SLC24A2: variants seen among roughly 807,000 people sequenced by gnomAD.
SLC24A2 encodes solute carrier family 24 member 2.
A neutral mutation model predicts 62.0 loss-of-function variants in SLC24A2; 36 were observed. That is an observed-to-expected ratio of 0.58 (90% CI 0.44 to 0.77). The LOEUF is 0.77. SLC24A2 is among the 30% of genes least tolerant of loss of function. The probability of loss-of-function intolerance (pLI) is 0.00; values close to 1 mark genes in which losing one functional copy is unlikely to be tolerated. For missense variants in SLC24A2, 846 were observed against 817.9 expected (o/e 1.03, Z -0.42); for synonymous variants, 358 against 294.0 (o/e 1.22, Z -2.23).
the SLC24A2 span, among the ~76,000 whole-genome samples, chr9:20,200,453 T>C: frequency 2.0e-5 from 3 of 152,232 alleles, no homozygotes; most frequent in Admixed American, 2.0e-4. Context: ...CTCACAAATT[T>C]ATCCCGCTAA....
the SLC24A2 span, among the ~76,000 whole-genome samples, chr9:19,992,228 T>C: frequency 1.2e-4 from 18 of 152,326 alleles, no homozygotes; most frequent in South Asian, 2.1e-3. Flanking sequence ...GGATGTCCAA[T>C]AGGCTTGGTC....
At chr9:19,607,398 CTT>C (rs1469688831) in intron 4 of SLC24A2, among the ~76,000 whole-genome samples, 2 of 152,096 alleles carry the variant, frequency 1.3e-5, no homozygotes, top group Non-Finnish European at 2.9e-5. Flanking sequence ...TTCATGATAT[CTT>C]TGAGCTCAAA....
chr9:20,171,161 C>G, the SLC24A2 span, among the ~76,000 whole-genome samples: 1 of 151,930 alleles, frequency 6.6e-6, no homozygotes, highest in South Asian at 2.1e-4. Context: ...TTCAGACAAA[C>G]AAATGCTGAG....
intron 9 of SLC24A2, among the ~76,000 whole-genome samples, chr9:19,522,729 A>G (rs1485589458): frequency 6.6e-6 from 1 of 152,170 alleles, no homozygotes; most frequent in Non-Finnish European, 1.5e-5. Context: ...AGCCTGATAC[A>G]TGGCAGGCTC....
chr9:20,147,607 C>T, the SLC24A2 span, among the ~76,000 whole-genome samples: 1 of 152,142 alleles, frequency 6.6e-6, no homozygotes, highest in Non-Finnish European at 1.5e-5. Context: ...TAGGCTTCAA[C>T]CCTTAACCTG....
intron 5 of SLC24A2, among the ~76,000 whole-genome samples, chr9:19,582,068 T>C (rs1302458495): frequency 6.6e-6 from 1 of 152,150 alleles, no homozygotes; most frequent in African/African-American, 2.4e-5. Context: ...GGTCTGAAAT[T>C]TGCAAAAGAG....
Position 19,509,857 on chromosome 9 carries a change from G to T in SLC24A2, c.*6296C>A, listed in dbSNP as rs1416647743. On this transcript the variant is annotated 3_prime_UTR_variant, in exon 11 of 11. Transcript: ENST00000341998. ...ATGCAACCCAATATGTAAGAATGCAGAAACAAATTCCCATCCTTTTGGTGA... is the reference window on the plus strand; with the variant it reads ...ATGCAACCCAATATGTAAGAATGCATAAACAAATTCCCATCCTTTTGGTGA... 2.6e-5 allele frequency: 4 copies of T among 152,114 alleles called. No individual in the cohort carries two copies. The highest frequency in any genetic ancestry group is 9.7e-5 in the African/African-American group (4 of 41,432). 9.4% of individuals were successfully genotyped at this position (152,114 alleles called of 1,614,324 possible).
chr9:20,180,995 T>G, the SLC24A2 span, among the ~76,000 whole-genome samples: 1 of 152,144 alleles, frequency 6.6e-6, no homozygotes, highest in Non-Finnish European at 1.5e-5. Flanking sequence ...CTCTCTTTGG[T>G]CATGAGCCCC....
the SLC24A2 span, among the ~76,000 whole-genome samples, chr9:19,872,123 G>C: frequency 3.3e-5 from 5 of 152,126 alleles, no homozygotes; most frequent in Non-Finnish European, 7.4e-5. Context: ...GGCTAGGATG[G>C]TATGGTCAAA....
chr9:19,672,793 C>G lies in SLC24A2; in HGVS notation c.931-50494G>C, dbSNP rs145122874. ...ATCCATCTTGATTTCATTGTTGACC[C>G]AATGATCATTCAGGAGCAAGTTATT... is the stretch of plus-strand genomic sequence containing the variant. On this transcript the variant is annotated intron_variant, in intron 2 of 10. Transcript: ENST00000341998. 8.1e-4 allele frequency among the ~76,000 whole-genome samples: 118 copies of G among 146,560 alleles called. 2 individuals are homozygous for G. The East Asian group carries it at 0.02, about 25-fold the overall frequency.
intron 2 of SLC24A2, among the ~76,000 whole-genome samples, chr9:19,723,770 G>A (rs973238093): frequency 6.6e-6 from 1 of 151,562 alleles, no homozygotes; most frequent in Non-Finnish European, 1.5e-5. Context: ...AGCAAAGAGA[G>A]AAAAAAAATT....
chr9:20,280,583 G>A, the SLC24A2 span, among the ~76,000 whole-genome samples: 2 of 152,160 alleles, frequency 1.3e-5, no homozygotes, highest in African/African-American at 4.8e-5. Context: ...GCCACATCAG[G>A]TTTTGGGTTT....
chr9:19,867,736 C>T, the SLC24A2 span, among the ~76,000 whole-genome samples: 3 of 152,056 alleles, frequency 2.0e-5, no homozygotes, highest in Non-Finnish European at 2.9e-5. Context: ...GGTGAAACCC[C>T]GTCTCTACTA....
chr9:19,742,091 GAA>G (rs1226863509), intron 2 of SLC24A2, among the ~76,000 whole-genome samples: 1 of 152,122 alleles, frequency 6.6e-6, no homozygotes, highest in South Asian at 2.1e-4. Flanking sequence ...AGCAATATTT[GAA>G]ATTCAGAGGC....
the SLC24A2 span, among the ~76,000 whole-genome samples, chr9:20,292,517 C>T: frequency 1.3e-5 from 2 of 152,350 alleles, no homozygotes; most frequent in East Asian, 1.9e-4. Flanking sequence ...CCTTAGCTAT[C>T]TGTATTGACG....
rs749000225 is a variant in SLC24A2, at chr9:19,786,498, G to A, written c.369C>T (p.Asp123=). ...TTCTTCTCTCCTCAAGGGAAAAGATGTCTTTCGGGTAGTCTCCTTGGGCGT... is the reference window on the plus strand; with the variant it reads ...TTCTTCTCTCCTCAAGGGAAAAGATATCTTTCGGGTAGTCTCCTTGGGCGT... The part of the protein sequence containing the change: ...TDHAQGDYPK[D]IFSLEERRKG... The change falls in exon 2 of 11, where the codon GAC becomes GAT. Residue 123 remains aspartate, a synonymous_variant. Transcript: ENST00000341998. This position sits in a 1 kb window ranked among gnomAD's most constrained non-coding sequence, Gnocchi z 5.0. The A allele has an allele frequency of 1.9e-5, 31 of 1,614,064 alleles. No homozygotes were observed. Among genetic ancestry groups the A allele is most frequent in the African/African-American group, 9.3e-5 (7 of 74,936 alleles).
the SLC24A2 span, among the ~76,000 whole-genome samples, chr9:20,051,655 C>CTTTTTTTTTTTT: frequency 4.3e-5 from 2 of 46,076 alleles, no homozygotes; most frequent in African/African-American, 9.8e-5. Flanking sequence ...TTTTTTCTTT[C>CTTTTTTTTTTTT]TCTTTTTTTT....
intron 2 of SLC24A2, among the ~76,000 whole-genome samples, chr9:19,630,881 C>T (rs1037557187): frequency 6.6e-6 from 1 of 152,172 alleles, no homozygotes; most frequent in Admixed American, 6.6e-5. Context: ...ACTCCTTGAT[C>T]TGCTCTTCTT....
the SLC24A2 span, among the ~76,000 whole-genome samples, chr9:19,870,305 C>T: frequency 1.3e-5 from 2 of 152,176 alleles, no homozygotes; most frequent in African/African-American, 4.8e-5. Context: ...TTTTACTTAG[C>T]ATAATGTTTT....
Sources: allele counts gnomAD v4.1 joint callset (sites outside exome capture counted in the v4.1 genomes callset), GRCh38; gene constraint gnomAD v4.1.1; non-coding constraint Gnocchi (gnomAD v3.1); transcripts MANE v1.5; gene names NCBI Gene and HGNC (gene_info 2026-07-23, HGNC 2026-07-21).